Variants in TNFRSF10B observed in about 807,000 individuals in gnomAD.
TNFRSF10B encodes the protein tumor necrosis factor receptor superfamily member 10B.
In TNFRSF10B, 35 loss-of-function variants were observed where a neutral mutation model predicts 41.4. The ratio of observed to expected loss-of-function variants is 0.85; its 90% CI spans 0.65 to 1.12. TNFRSF10B has a LOEUF of 1.12. TNFRSF10B is among the 50% of genes most tolerant of loss of function. The probability of loss-of-function intolerance (pLI) is 0.00; values close to 1 mark genes in which losing one functional copy is unlikely to be tolerated. For synonymous variants in TNFRSF10B, 230 were observed against 215.5 expected (o/e 1.07, Z -0.59); for missense variants, 584 against 552.7 (o/e 1.06, Z -0.57).
intron 1 of TNFRSF10B, among the ~76,000 whole-genome samples, chr8:23,063,265 T>C (rs1010105359): frequency 1.3e-5 from 2 of 151,860 alleles, no homozygotes; most frequent in African/African-American, 4.8e-5. Context: ...GGAGAATCGC[T>C]TGAACCCAGG....
intron 1 of TNFRSF10B, among the ~76,000 whole-genome samples, chr8:23,059,571 A>G (rs1812765041): frequency 6.6e-6 from 1 of 152,218 alleles, no homozygotes; most frequent in African/African-American, 2.4e-5. Flanking sequence ...CAGTGGTGCC[A>G]TCTCAGCTCA....
chr8:23,027,609 C>A, intron 6 of TNFRSF10B, 113 bp downstream of exon 6: 1 of 1,482,110 alleles, frequency 6.7e-7, no homozygotes, highest in Non-Finnish European at 9.3e-7. Context: ...CAGGCCACTT[C>A]AGAGAGTCAG....
chr8:23,055,453 C>T (rs978450546), intron 1 of TNFRSF10B, among the ~76,000 whole-genome samples: 3 of 148,902 alleles, frequency 2.0e-5, no homozygotes, highest in African/African-American at 7.4e-5. Context: ...GGCCAGGTTT[C>T]ACTAATGCAG....
In TNFRSF10B at chr8:23,043,187, C is replaced by T. The variant is rs760979699; in HGVS notation, c.201G>A (p.Ala67=). The T allele has an allele frequency of 6.8e-6, 11 of 1,614,066 alleles. No homozygotes were observed. The highest frequency in any genetic ancestry group is 2.2e-5 in the South Asian group (2 of 91,076). ...TQQDLAPQQR[A]APQQKRSSPS... ...GGCTGGACCTCTTTTGTTGTGGGGC[C>T]GCTCTCTGCTGGGGAGCTAGGTCTT... The change falls in exon 2 of 9, where the codon GCG becomes GCA. Residue 67 remains alanine, a synonymous_variant. Coordinates refer to ENST00000276431, the MANE Select transcript of TNFRSF10B (RefSeq NM_003842.5).
intron 1 of TNFRSF10B, among the ~76,000 whole-genome samples, chr8:23,051,931 AT>A (rs1721916702): frequency 1.3e-5 from 2 of 152,154 alleles, no homozygotes; most frequent in Admixed American, 6.5e-5. Flanking sequence ...CTGTTATCAC[AT>A]TTGTTTCAAA....
chr8:23,029,262 T>C (rs903693649), intron 4 of TNFRSF10B, among the ~76,000 whole-genome samples: 3 of 152,238 alleles, frequency 2.0e-5, no homozygotes, highest in African/African-American at 7.2e-5. Flanking sequence ...ATTTTATTGC[T>C]GAATTGGTAT....
intron 2 of TNFRSF10B, chr8:23,042,825 C>G: frequency 3.4e-6 from 1 of 290,886 alleles, no homozygotes; most frequent in South Asian, 5.3e-5. Context: ...CTCTTCCTGG[C>G]TCTCTGAACC....
At chr8:23,042,224 A>T (rs1289824761) in intron 2 of TNFRSF10B, among the ~76,000 whole-genome samples, 1 of 152,130 alleles carries the variant, frequency 6.6e-6, no homozygotes. Context: ...TTCCTTCTCC[A>T]TGCTCTGCTC....
In TNFRSF10B at chr8:23,022,680, G is replaced by C. The variant is rs1339550594; in HGVS notation, c.1314C>G (p.Ala438=). 1 of 1,613,888 alleles carries C rather than the reference G, an allele frequency of 6.2e-7. No individual in the cohort carries two copies. The highest frequency in any genetic ancestry group is 8.5e-7 in the Non-Finnish European group (1 of 1,180,034). The stretch of plus-strand genomic sequence containing the variant: ...CTGAAGAGAATCACACTTAGGACAT[G>C]GCAGAGTCTGCATTACCTTCTAGAT... ...FMYLEGNADS[A]MS is the part of the protein sequence containing the mutation. Residue 438 remains alanine, a synonymous_variant, in exon 9 of 9, where the codon GCC becomes GCG. Transcript: ENST00000276431.
intron 1 of TNFRSF10B, among the ~76,000 whole-genome samples, chr8:23,066,282 CAAAAAA>C (rs752495900): frequency 6.6e-6 from 1 of 150,746 alleles, no homozygotes; most frequent in African/African-American, 2.4e-5. Context: ...GACCCTGTCT[CAAAAAA>C]GAAAAACACA....
chr8:23,052,285 C>CTTTT (rs35496059), intron 1 of TNFRSF10B, among the ~76,000 whole-genome samples: 28,384 of 129,116 alleles, frequency 0.22, 3,543 homozygotes, highest in Non-Finnish European at 0.24. Flanking sequence ...TAAAGGGTAA[C>CTTTT]TTTTTTTTTT....
At chr8:23,027,374 C>T in intron 6 of TNFRSF10B, 86 bp from the exon 7 acceptor site, 6 of 1,515,906 alleles carry the variant, frequency 4.0e-6, no homozygotes, top group South Asian at 2.3e-5. Context: ...TGCAGCTGCA[C>T]CTGACATCCC....
chr8:23,036,150 A>G (rs78518718), intron 2 of TNFRSF10B, among the ~76,000 whole-genome samples: 2,638 of 152,250 alleles, frequency 0.017, 79 homozygotes, highest in African/African-American at 0.061. Flanking sequence ...TGCAGACTGA[A>G]TGGTTAACCA....
In TNFRSF10B at chr8:23,030,750, G is replaced by C. The variant is rs201140104; in HGVS notation, c.364+9C>G. 6.2e-7 allele frequency: 1 copy of C among 1,605,772 alleles called. No individual in the cohort carries two copies. The highest frequency in any genetic ancestry group is 8.5e-7 in the Non-Finnish European group (1 of 1,174,252). ...CCACCTTTAGGCATGGGGTCCATAT[G>C]TTCTGTACCTGAATCACACCTGGTG... On this transcript the variant is annotated intron_variant, in intron 3 of 8. Transcript: ENST00000276431.
chr8:23,026,765 C>T lies in TNFRSF10B; in HGVS notation c.936+368G>A, dbSNP rs111801075. ...CTTTGAAATATGTTCAATGTAATAA[C>T]AATTTCAGAGTAAATTTAAAACTCC... On this transcript the variant is annotated intron_variant, in intron 7 of 8. Transcript: ENST00000276431. Among the ~76,000 whole-genome samples the T allele has an allele frequency of 4.2e-3, 637 of 152,306 alleles. 3 individuals are homozygous for T. The highest frequency in any genetic ancestry group is 0.014 in the African/African-American group (599 of 41,548).
At chr8:23,056,668 A>G (rs1345477363) in intron 1 of TNFRSF10B, among the ~76,000 whole-genome samples, 1 of 151,284 alleles carries the variant, frequency 6.6e-6, no homozygotes, top group Non-Finnish European at 1.5e-5. Context: ...AAAAAAAGAG[A>G]ACCATATTAA....
chr8:23,020,555 G>C lies in TNFRSF10B; in HGVS notation c.*2116C>G, dbSNP rs779866743. 2 of 446,212 alleles carry C rather than the reference G, an allele frequency of 4.5e-6. No homozygotes were observed. The highest frequency in any genetic ancestry group is 3.1e-5 in the South Asian group (2 of 63,770). The allele number at this position is 446,212 out of a possible 1,614,324, so 27.6% of individuals were successfully genotyped here. A position where few individuals can be genotyped will look rare whatever the true frequency, so the allele number is the denominator to read the frequency against. ...AAAAATACAAAAATTAGCCAGGCGTGGTGGCGGGTGCCTGCAATCCCAGCT... is the reference window on the plus strand; with the variant it reads ...AAAAATACAAAAATTAGCCAGGCGTCGTGGCGGGTGCCTGCAATCCCAGCT... On this transcript the variant is annotated 3_prime_UTR_variant, in exon 9 of 9. Coordinates refer to ENST00000276431, the MANE Select transcript of TNFRSF10B (RefSeq NM_003842.5).
In TNFRSF10B at chr8:23,020,565, G is replaced by A; in HGVS notation, c.*2106C>T. The A allele has an allele frequency of 2.2e-6, 1 of 446,102 alleles. No individual in the cohort carries two copies. Among genetic ancestry groups the A allele is most frequent in the Non-Finnish European group, 4.5e-6 (1 of 221,774 alleles). The allele number at this position is 446,102 out of a possible 1,614,324, so 27.6% of individuals were successfully genotyped here. ...AAATTAGCCAGGCGTGGTGGCGGGT[G>A]CCTGCAATCCCAGCTACTCCGGAGG... On this transcript the variant is annotated 3_prime_UTR_variant, in exon 9 of 9. Coordinates refer to ENST00000276431, the MANE Select transcript of TNFRSF10B (RefSeq NM_003842.5).
At chr8:23,031,961 G>C (rs902771540) in intron 2 of TNFRSF10B, among the ~76,000 whole-genome samples, 1 of 145,032 alleles carries the variant, frequency 6.9e-6, no homozygotes, top group Non-Finnish European at 1.5e-5. Flanking sequence ...GCCCAGGCTA[G>C]AGTGCAGCGA....
Sources: allele counts gnomAD v4.1 joint callset (sites outside exome capture counted in the v4.1 genomes callset), GRCh38; gene constraint gnomAD v4.1.1; transcripts MANE v1.5; gene names NCBI Gene and HGNC (gene_info 2026-07-23, HGNC 2026-07-21).